CCND3: variants seen among roughly 807,000 people sequenced by gnomAD.
CCND3 encodes the protein G1/S-specific cyclin-D3.
CCND3 carries 9 observed loss-of-function variants against 28.7 expected under a neutral mutation model. That is an observed-to-expected ratio of 0.31 (90% CI 0.19 to 0.55). The LOEUF (loss-of-function observed/expected upper bound fraction) is 0.55, where lower values mean the gene tolerates loss of function less well. Ranked by LOEUF, CCND3 falls within the 20% of genes least tolerant of loss-of-function variation. The pLI is 0.93. For synonymous variants in CCND3, 164 were observed against 163.9 expected, an observed-to-expected ratio of 1.00 and a Z score of 0.00; for missense variants, 315 against 385.8, an observed-to-expected ratio of 0.82 and a Z score of 1.54.
At chr6:41,975,049 C>T (rs1245705570) in intron 1 of CCND3, among the ~76,000 whole-genome samples, 1 of 152,068 alleles carries the variant, frequency 6.6e-6, no homozygotes, top group East Asian at 1.9e-4. Flanking sequence ...GCCTCGGCCT[C>T]CCAAAATGCT....
intron 1 of CCND3, among the ~76,000 whole-genome samples, chr6:42,002,140 G>A (rs1258686545): frequency 1.3e-5 from 2 of 149,848 alleles, no homozygotes. Context: ...TCATAGAACT[G>A]TAGACTTAAG....
upstream of CCND3, among the ~76,000 whole-genome samples, chr6:41,945,886 G>T (rs6922494): frequency 3.9e-5 from 6 of 152,318 alleles, no homozygotes; most frequent in Non-Finnish European, 8.8e-5. Flanking sequence ...TTTCTGAAAT[G>T]ATTATTATTA....
At chr6:41,959,480 T>G (rs534989765) in intron 1 of CCND3, among the ~76,000 whole-genome samples, 6 of 151,734 alleles carry the variant, frequency 4.0e-5, no homozygotes, top group East Asian at 1.9e-4. Flanking sequence ...GTCAGGAGAT[T>G]GAGACCATCC....
At chr6:41,992,605 C>G (rs190039302) in intron 1 of CCND3, among the ~76,000 whole-genome samples, 2 of 151,614 alleles carry the variant, frequency 1.3e-5, no homozygotes, top group Non-Finnish European at 2.9e-5. Flanking sequence ...TGCGCCACCA[C>G]GCCCAGCTAA....
At chr6:41,973,188 C>CTTCCCT (rs957147600) in intron 1 of CCND3, among the ~76,000 whole-genome samples, 35 of 152,188 alleles carry the variant, frequency 2.3e-4, no homozygotes, top group African/African-American at 8.2e-4. Flanking sequence ...ACAGTCTGTT[C>CTTCCCT]TTCCCTTCTC....
At chr6:41,964,497 T>TGA (rs1491270756) in intron 1 of CCND3, among the ~76,000 whole-genome samples, 27 of 141,746 alleles carry the variant, frequency 1.9e-4, no homozygotes, top group East Asian at 5.9e-4. Flanking sequence ...TGTGTGTGTG[T>TGA]GAGTGTGTGT....
At chr6:41,980,010 TCA>T (rs58375638) in intron 1 of CCND3, among the ~76,000 whole-genome samples, 3 of 137,086 alleles carry the variant, frequency 2.2e-5, no homozygotes, top group South Asian at 2.5e-4. Context: ...GCTTTCAAAA[TCA>T]CACACACACA....
chr6:42,029,165 T>C (rs979278302), intron 1 of CCND3, among the ~76,000 whole-genome samples: 30 of 149,992 alleles, frequency 2.0e-4, no homozygotes, highest in African/African-American at 7.2e-4. Flanking sequence ...TTTTTTTTTA[T>C]TATTTTTTAG....
At chr6:42,010,002 C>G (rs1763294579) in intron 1 of CCND3, among the ~76,000 whole-genome samples, 1 of 152,136 alleles carries the variant, frequency 6.6e-6, no homozygotes, top group Admixed American at 6.5e-5. Context: ...CCAAGGAATG[C>G]AGGCTAAGCT....
intron 1 of CCND3, among the ~76,000 whole-genome samples, chr6:41,972,081 A>G (rs1762045258): frequency 6.6e-6 from 1 of 150,844 alleles, no homozygotes; most frequent in Non-Finnish European, 1.5e-5. Flanking sequence ...CAAAAAAATT[A>G]GCTGGGCGTG....
chr6:42,017,945 TCA>T (rs1303234455), intron 1 of CCND3, among the ~76,000 whole-genome samples: 2 of 151,814 alleles, frequency 1.3e-5, no homozygotes, highest in Non-Finnish European at 2.9e-5. Flanking sequence ...GGTCAGGAGA[TCA>T]ACACCATCCT....
At chr6:41,940,970 G>T (rs1217253507) in intron 1 of CCND3, 1 of 1,612,768 alleles carries the variant, frequency 6.2e-7, no homozygotes, top group Admixed American at 1.7e-5. Flanking sequence ...AAGGGAGGAG[G>T]CTCCTGCCGC....
At chr6:42,014,137 G>A (rs913180804) in intron 1 of CCND3, among the ~76,000 whole-genome samples, 3 of 150,974 alleles carry the variant, frequency 2.0e-5, no homozygotes, top group Non-Finnish European at 3.0e-5. Flanking sequence ...AGGCCAAGGC[G>A]GGTGGATCAC....
intron 1 of CCND3, among the ~76,000 whole-genome samples, chr6:42,043,961 C>G (rs1209623057): frequency 6.6e-6 from 1 of 152,200 alleles, no homozygotes; most frequent in East Asian, 1.9e-4. Context: ...TCCTGAGGCC[C>G]CTTCCGGGAG....
chr6:42,035,140 G>T (rs76482034), intron 1 of CCND3, among the ~76,000 whole-genome samples: 9,609 of 152,210 alleles, frequency 0.063, 412 homozygotes, highest in East Asian at 0.12. Context: ...TGCTCTTCCT[G>T]GAGCACAGGG....
rs892762631 is a variant in CCND3 at position 41,982,185 on chromosome 6, G to A, written c.-45-41600C>T. The stretch of plus-strand genomic sequence containing the variant: ...CTTGGGATGCTGAGGCAGGAGAATC[G>A]CTTGAGCCCGGGAGGCTGAGGTTGC... On this transcript the variant is annotated intron_variant, in intron 1 of 4. Coordinates refer to the CCND3 transcript ENST00000372988. 6.6e-5 allele frequency among the ~76,000 whole-genome samples: 10 copies of A among 151,646 alleles called. No individual in the cohort carries two copies. The East Asian group carries it at 9.8e-4, about 15-fold the overall frequency.
chr6:41,966,572 G>C (rs4336444), intron 1 of CCND3, among the ~76,000 whole-genome samples: 151,957 of 152,302 alleles, frequency 1, 75,808 homozygotes, highest in Middle Eastern at 1. Flanking sequence ...CCTCCCCACC[G>C]AACCAGGAAT....
chr6:41,947,384 C>T (rs1237885721), intron 1 of CCND3, among the ~76,000 whole-genome samples: 3 of 152,172 alleles, frequency 2.0e-5, no homozygotes, highest in Middle Eastern at 3.4e-3. Context: ...CAAGGATGTC[C>T]GATAGGCCAG....
At chr6:42,006,560 T>G (rs905366592) in intron 1 of CCND3, among the ~76,000 whole-genome samples, 1 of 152,128 alleles carries the variant, frequency 6.6e-6, no homozygotes, top group African/African-American at 2.4e-5. Flanking sequence ...AACTTCATTA[T>G]TAATAGATGA....
Sources: gnomAD v4.1 joint callset for allele counts (sites outside exome capture counted in the v4.1 genomes callset) on GRCh38, gnomAD v4.1.1 for gene constraint, MANE v1.5 for transcripts, NCBI Gene and HGNC (gene_info 2026-07-23, HGNC 2026-07-21) for gene names.